Variants in NRXN3 observed in about 807,000 individuals in gnomAD.
NRXN3 encodes neurexin 3.
NRXN3 carries 32 observed loss-of-function variants against 137.6 expected under a neutral mutation model. That is an observed-to-expected ratio of 0.23 (90% confidence interval 0.18 to 0.31). The LOEUF is 0.31. NRXN3 is among the 10% of genes least tolerant of loss of function. NRXN3 has a pLI of 1.00. For synonymous variants in NRXN3, 798 were observed against 784.5 expected (o/e 1.02, Z -0.29); for missense variants, 1,574 against 2,062.5 (o/e 0.76, Z 4.59).
intron 15 of NRXN3, among the ~76,000 whole-genome samples, chr14:79,035,849 G>C (rs372541411): frequency 1.1e-4 from 16 of 152,094 alleles, no homozygotes; most frequent in Admixed American, 2.0e-4. Context: ...TTTGTTTGTG[G>C]GGGATGGATG....
intron 4 of NRXN3, among the ~76,000 whole-genome samples, chr14:78,568,204 A>G (rs1052809357): frequency 5.3e-4 from 80 of 152,092 alleles, no homozygotes; most frequent in African/African-American, 1.9e-3. Flanking sequence ...CACCAATGTG[A>G]TGGTATTAGG....
At chr14:79,657,806 G>C (rs1224115226) in intron 16 of NRXN3, among the ~76,000 whole-genome samples, 4 of 152,204 alleles carry the variant, frequency 2.6e-5, no homozygotes, top group Non-Finnish European at 5.9e-5. Context: ...AAAGCATAGT[G>C]AGATGTTTTG....
At chr14:78,922,894 C>T (rs892422639) in intron 10 of NRXN3, among the ~76,000 whole-genome samples, 1 of 152,150 alleles carries the variant, frequency 6.6e-6, no homozygotes, top group Admixed American at 6.5e-5. Context: ...TGTTCTTTAG[C>T]GTCTTTCATG....
At chr14:79,056,586 T>C (rs2099664058) in intron 15 of NRXN3, among the ~76,000 whole-genome samples, 1 of 152,092 alleles carries the variant, frequency 6.6e-6, no homozygotes, top group South Asian at 2.1e-4. Flanking sequence ...GCTGAAGGGA[T>C]AATTAGAGGG....
intron 19 of NRXN3, among the ~76,000 whole-genome samples, chr14:79,783,239 T>G (rs1487845719): frequency 6.6e-6 from 1 of 152,224 alleles, no homozygotes; most frequent in Admixed American, 6.5e-5. Context: ...GGACGTTAAT[T>G]GGCAGTTAGT....
intron 4 of NRXN3, among the ~76,000 whole-genome samples, chr14:78,336,712 G>C (rs1300254236): frequency 6.6e-6 from 1 of 152,026 alleles, no homozygotes; most frequent in African/African-American, 2.4e-5. Context: ...GCAATGGGTG[G>C]GGTGTCTTTT....
At chr14:79,486,962 C>CTCTCTCTCTCTCCCCCA (rs2096662889) in intron 16 of NRXN3, among the ~76,000 whole-genome samples, 1 of 124,054 alleles carries the variant, frequency 8.1e-6, no homozygotes, top group African/African-American at 3.6e-5. Flanking sequence ...TCTCTCTCTC[C>CTCTCTCTCTCTCCCCCA]CACACACACA....
intron 8 of NRXN3, among the ~76,000 whole-genome samples, chr14:78,780,113 A>G (rs1305958065): frequency 1.3e-5 from 2 of 152,228 alleles, no homozygotes; most frequent in Non-Finnish European, 2.9e-5. Flanking sequence ...CAAAATAGGC[A>G]CACCAGCCTG....
At chr14:78,493,166 AT>A (rs998775904) in intron 4 of NRXN3, among the ~76,000 whole-genome samples, 19 of 152,212 alleles carry the variant, frequency 1.2e-4, no homozygotes, top group African/African-American at 4.6e-4. Flanking sequence ...TTGTGTCCTC[AT>A]CCCAACTCCT....
At chr14:79,709,880 G>C (rs1477153007) in intron 19 of NRXN3, among the ~76,000 whole-genome samples, 1 of 151,888 alleles carries the variant, frequency 6.6e-6, no homozygotes, top group Non-Finnish European at 1.5e-5. Context: ...ATCATTATTA[G>C]TTCCTTACTA....
At position 79,445,934 on chromosome 14, in the gene NRXN3, C is replaced by T. The variant is rs1278071142; in HGVS notation, c.3263-21287C>T. Among the ~76,000 whole-genome samples, 3 of 152,040 alleles carry T rather than the reference C, an allele frequency of 2.0e-5. No individual in the cohort carries two copies. The East Asian group carries it at 5.8e-4, about 29-fold the overall frequency. ...GGGACCAATGGCCAGTATGTGATGA[C>T]AGGTAATGTGATCTATGCTCCTATT... On this transcript the variant is annotated intron_variant, in intron 15 of 20. Transcript: ENST00000335750.
intron 3 of NRXN3, among the ~76,000 whole-genome samples, chr14:78,291,017 G>T (rs890976030): frequency 6.6e-6 from 1 of 152,210 alleles, no homozygotes; most frequent in African/African-American, 2.4e-5. Context: ...GGAGAAGACA[G>T]CCATTTAAAA....
At chr14:78,171,690 C>A (rs1326419661) in intron 1 of NRXN3, among the ~76,000 whole-genome samples, 3 of 146,000 alleles carry the variant, frequency 2.1e-5, no homozygotes, top group African/African-American at 7.7e-5. Context: ...GTAATACCAA[C>A]CTAAGGGCTC....
intron 15 of NRXN3, among the ~76,000 whole-genome samples, chr14:78,996,257 C>A (rs1481044533): frequency 6.6e-6 from 1 of 152,008 alleles, no homozygotes; most frequent in East Asian, 1.9e-4. Context: ...TCATTTAAAC[C>A]CCACGGCAAC....
rs184009253 is a variant in NRXN3, at chr14:79,166,135, G to A, written c.3262+177994G>A. Among the ~76,000 whole-genome samples, 583 of 152,058 alleles carry A rather than the reference G, an allele frequency of 3.8e-3. 5 individuals carry two copies. Among genetic ancestry groups the A allele is most frequent in the African/African-American group, 0.013 (544 of 41,498 alleles). ...TTTTGATGAATATCATGTTAAAATA[G>A]TTCCTCCTAAATAATGTATAGCTGG... On this transcript the variant is annotated intron_variant, in intron 15 of 20. Transcript: ENST00000335750.
At chr14:79,367,716 A>G (rs562473080) in intron 15 of NRXN3, among the ~76,000 whole-genome samples, 14 of 152,362 alleles carry the variant, frequency 9.2e-5, no homozygotes, top group African/African-American at 3.4e-4. Context: ...CATTGTATAG[A>G]TGAGGAAACT....
Position 78,606,927 on chromosome 14 carries a change from A to G in NRXN3, c.758-38193A>G, listed in dbSNP as rs551999035. Among the ~76,000 whole-genome samples, 7 of 152,356 alleles carry G rather than the reference A, an allele frequency of 4.6e-5. No individual in the cohort carries two copies. In the East Asian group the frequency reaches 1.2e-3, roughly 25 times the overall value. ...TAGAAATTGTGAGAAATATTTATTT[A>G]CTGCGAGAGAAACATTTTCCTTAAG... On this transcript the variant is annotated intron_variant, in intron 4 of 20. Transcript: ENST00000335750.
chr14:79,299,644 A>T (rs537145259), intron 15 of NRXN3, among the ~76,000 whole-genome samples: 1 of 152,214 alleles, frequency 6.6e-6, no homozygotes, highest in Non-Finnish European at 1.5e-5. Flanking sequence ...TACCCAAAAA[A>T]CTTAGTAAAG....
intron 4 of NRXN3, among the ~76,000 whole-genome samples, chr14:78,406,726 A>G (rs2092508543): frequency 6.6e-6 from 1 of 152,188 alleles, no homozygotes; most frequent in Admixed American, 6.5e-5. Flanking sequence ...TCTTATTACC[A>G]GTGCCCACTG....
Sources: gnomAD v4.1 joint callset for allele counts (sites outside exome capture counted in the v4.1 genomes callset) on GRCh38, gnomAD v4.1.1 for gene constraint, MANE v1.5 for transcripts, NCBI Gene and HGNC (gene_info 2026-07-23, HGNC 2026-07-21) for gene names.